L1CAM: variants seen among roughly 807,000 people sequenced by gnomAD.
L1CAM encodes the protein neural cell adhesion molecule L1.
Under a neutral mutation model 93.0 loss-of-function variants are expected in L1CAM, and 8 were observed. The ratio of observed to expected loss-of-function variants is 0.09; its 90% CI spans 0.05 to 0.16. The LOEUF (loss-of-function observed/expected upper bound fraction) is 0.16. L1CAM is among the 10% of genes least tolerant of loss of function. The probability of loss-of-function intolerance (pLI) is 1.00; values close to 1 mark genes in which losing one functional copy is unlikely to be tolerated. For synonymous variants in L1CAM, 453 were observed against 453.0 expected, an observed-to-expected ratio of 1.00 and a Z score of 0.00; for missense variants, 777 against 1,073.4, an observed-to-expected ratio of 0.72 and a Z score of 3.86.
chrX:153,869,792 G>A lies in L1CAM; in HGVS notation c.1123+11C>T, dbSNP rs1557092378. 2 of 1,210,514 alleles carry A rather than the reference G, an allele frequency of 1.7e-6. No individual in the cohort carries two copies. Among genetic ancestry groups the A allele is most frequent in the Non-Finnish European group, 2.2e-6 (2 of 894,933 alleles). On this transcript the variant is annotated intron_variant, in intron 10 of 28. Coordinates refer to ENST00000370060, the MANE Select transcript of L1CAM (RefSeq NM_001278116.2). ...GCCACACTCCCCACTCCTGCCTGAG[G>A]CCCTGCTCACCCTCCACAGGGATCC...
chrX:153,870,739 G>A, intron 7 of L1CAM, 51 bp downstream of exon 7: 1 of 1,145,025 alleles, frequency 8.7e-7, no homozygotes, highest in Middle Eastern at 2.4e-4. Context: ...GAAGGGCCAT[G>A]CCTGAGGGTG....
intron 2 of L1CAM, chrX:153,875,493 T>C (rs1369681938): frequency 3.0e-5 from 14 of 467,509 alleles, no homozygotes; most frequent in African/African-American, 9.4e-5. Flanking sequence ...CTCGGGGCCC[T>C]GCTCCAGGTT....
intron 1 of L1CAM, 69 bp from the exon 2 acceptor site, chrX:153,876,013 C>A: frequency 2.0e-6 from 1 of 491,259 alleles, no homozygotes; most frequent in East Asian, 3.6e-5. Context: ...ACGTTAGTGA[C>A]TAACATCTGG....
rs201372074 is a variant in L1CAM at position 153,867,531 on chromosome X, G to A, written c.1962C>T (p.Asp654=). The change falls in exon 17 of 29, where the codon GAC becomes GAT. Residue 654 remains aspartate, a synonymous_variant. Transcript: ENST00000370060. The part of the protein sequence containing the change: ...PIEKYDIEFE[D]KEMAPEKWYS... ...ACCATTTTTCAGGCGCCATTTCCTT[G>A]TCCTCAAATTCAATGTCATATTCTG... 24 of 1,209,223 alleles carry A rather than the reference G, an allele frequency of 2.0e-5. No homozygotes were observed. Among genetic ancestry groups the A allele is most frequent in the Non-Finnish European group, 2.7e-5 (24 of 894,136 alleles).
Position 153,868,423 on chromosome X carries a change from T to C in L1CAM, c.1582A>G (p.Ile528Val). Residue 528 changes from isoleucine (I) to valine (V), a missense_variant, in exon 14 of 29, where the codon ATC becomes GTC. Around this residue, in one of 5 missense-constraint regions of L1CAM, gnomAD observed 574 missense variants for 781.0 expected, o/e 0.73. Transcript: ENST00000370060. The part of the protein sequence containing the change: ...TQITQGPRST[I>V]EKKGSRVTFT... ...GTCACCCTGGAACCTTTCTTCTCGA[T>C]TGTGCTGCGGGGCCCCTGAGTGATC... The C allele has an allele frequency of 1.7e-6, 2 of 1,211,635 alleles. No individual in the cohort carries two copies. Among genetic ancestry groups the C allele is most frequent in the Non-Finnish European group, 2.2e-6 (2 of 895,452 alleles).
In L1CAM at chrX:153,868,922, T is replaced by C. The variant is rs1603275529; in HGVS notation, c.1298A>G (p.Asn433Ser). Residue 433 changes from asparagine (N) to serine (S), a missense_variant, in exon 12 of 29, where the codon AAT becomes AGT. By Grantham distance (46) the Asn-to-Ser change is conservative. Around this residue, in one of 5 missense-constraint regions of L1CAM, gnomAD observed 574 missense variants for 781.0 expected, o/e 0.73. Transcript: ENST00000370060. ...QLPAKILTADNQTYMAVQGST... is the reference protein window; with the variant it reads ...QLPAKILTADSQTYMAVQGST... ...GCCCTGGACAGCCATGTACGTCTGA[T>C]TGTCCGCAGTCAGGATCTTGGCTGG... is the stretch of plus-strand genomic sequence containing the variant. The C allele has an allele frequency of 1.7e-6, 2 of 1,211,206 alleles. No homozygotes were observed. The highest frequency in any genetic ancestry group is 2.2e-6 in the Non-Finnish European group (2 of 894,836).
At chrX:153,884,130 G>A (rs1557096403) in intron 1 of L1CAM, 2 of 787,271 alleles carry the variant, frequency 2.5e-6, no homozygotes, top group Non-Finnish European at 3.5e-6. Flanking sequence ...GAAAACAAGT[G>A]ACACCCCACG....
chrX:153,885,402 G>A lies in L1CAM; in HGVS notation c.-109+663C>T, dbSNP rs868926814. On this transcript the variant is annotated intron_variant, in intron 1 of 28. Coordinates refer to ENST00000370060, the MANE Select transcript of L1CAM (RefSeq NM_001278116.2). The stretch of plus-strand genomic sequence containing the variant: ...GGCTCCAGAGGCGCCCTACGCCTCC[G>A]GGGAGGAGCCCCTGGCTCTGCGGCA... 3.4e-5 allele frequency: 33 copies of A among 981,144 alleles called. No homozygotes were observed. In the African/African-American group the frequency reaches 6.6e-4, roughly 19 times the overall value. The allele number at this position is 981,144 out of a possible 1,213,427, so 80.9% of individuals were successfully genotyped here.
chrX:153,864,601 C>T lies in L1CAM; in HGVS notation c.3150G>A (p.Leu1050=). The T allele has an allele frequency of 8.3e-7, 1 of 1,204,711 alleles. No individual in the cohort carries two copies. The highest frequency in any genetic ancestry group is 1.1e-6 in the Non-Finnish European group (1 of 890,520). Residue 1050 remains leucine (L), a synonymous_variant, in exon 24 of 29, where the codon TTG becomes TTA. Transcript: ENST00000370060. ...EGQCNFRFHI[L]FKALGEEKGG... is the part of the protein sequence containing the mutation. ...CACGCTTACCTCCCAAGGCTTTGAACAAGATATGGAACCTGAAGTTGCACT... is the reference window on the plus strand; with the variant it reads ...CACGCTTACCTCCCAAGGCTTTGAATAAGATATGGAACCTGAAGTTGCACT...
At chrX:153,869,048 A>G (rs2064742985) in intron 11 of L1CAM, 96 bp from the exon 12 acceptor site, 1 of 691,027 alleles carries the variant, frequency 1.4e-6, no homozygotes, top group Non-Finnish European at 2.3e-6. Context: ...CGGGCCCCCA[A>G]GAGCCCTGCA....
chrX:153,870,612 A>T (rs782226850), intron 7 of L1CAM, 113 bp from the exon 8 acceptor site: 5 of 786,493 alleles, frequency 6.4e-6, no homozygotes, highest in Non-Finnish European at 9.5e-6. Flanking sequence ...GTCTTCCTCC[A>T]TTAAGGAGAG....
intron 2 of L1CAM, among the ~76,000 whole-genome samples, chrX:153,873,652 C>G (rs781952351): frequency 8.9e-6 from 1 of 112,644 alleles, no homozygotes; most frequent in East Asian, 2.8e-4. Flanking sequence ...TGGAAGGCAC[C>G]GTCCCCTGCT....
Position 153,867,805 on chromosome X carries a change from A to G in L1CAM, c.1934T>C (p.Ile645Thr). ...WSPAEDHNAP[I>T]EKYDIEFEDK... ...ACTGAGCTCAAGCCTCTTACTCTCA[A>G]TGGGGGCATTGTGGTCTTCTGCAGG... The change falls in exon 16 of 29, where the codon ATT becomes ACT. Residue 645 changes from isoleucine (I) to threonine (T), a missense_variant. Coordinates refer to ENST00000370060, the MANE Select transcript of L1CAM (RefSeq NM_001278116.2). 1 of 1,204,709 alleles carries G rather than the reference A, an allele frequency of 8.3e-7. No individual in the cohort carries two copies. The highest frequency in any genetic ancestry group is 1.1e-6 in the Non-Finnish European group (1 of 890,102).
chrX:153,875,929 G>A lies in L1CAM; in HGVS notation c.-93C>T. The A allele has an allele frequency of 1.4e-6, 1 of 715,997 alleles. No homozygotes were observed. The highest frequency in any genetic ancestry group is 2.1e-6 in the Non-Finnish European group (1 of 466,891). 59.0% of individuals were successfully genotyped at this position (715,997 alleles called of 1,213,427 possible). On this transcript the variant is annotated 5_prime_UTR_variant, in exon 2 of 29. Transcript: ENST00000370060. ...GGCTGGTGGGCGGCTTGGGGCGGGA[G>A]TTGGGAGTGGGGGCACTGGGAGAGG... is the stretch of plus-strand genomic sequence containing the variant.
chrX:153,883,225 G>A (rs1454490761), intron 1 of L1CAM, among the ~76,000 whole-genome samples: 1 of 111,416 alleles, frequency 9.0e-6, no homozygotes, highest in Non-Finnish European at 1.9e-5. Flanking sequence ...AGCGGTGGAA[G>A]ACAGACAAAA....
rs202000092 is a variant in L1CAM, at chrX:153,870,853, C to T, written c.631G>A (p.Ala211Thr). Residue 211 changes from alanine to threonine, a missense_variant, in exon 7 of 29, where the codon GCC becomes ACC. Around this residue, in one of 5 missense-constraint regions of L1CAM, gnomAD observed 574 missense variants for 781.0 expected, o/e 0.73. Coordinates refer to ENST00000370060, the MANE Select transcript of L1CAM (RefSeq NM_001278116.2). ...ATGGTCCTGGTGCCTGGGAAGTGGG[C>T]GTGGCAGATGTAGTCTGAGTGGTTG... ...SDNHSDYICH[A>T]HFPGTRTIIQ... 1 of 1,210,830 alleles carries T rather than the reference C, an allele frequency of 8.3e-7. No individual in the cohort carries two copies. Among genetic ancestry groups the T allele is most frequent in the Non-Finnish European group, 1.1e-6 (1 of 894,899 alleles).
chrX:153,884,838 C>G (rs2064868979), intron 1 of L1CAM, among the ~76,000 whole-genome samples: 1 of 113,033 alleles, frequency 8.8e-6, no homozygotes, highest in African/African-American at 3.2e-5. Flanking sequence ...TGGGCAGCAG[C>G]CCCCAGGGGA....
Position 153,871,188 on chromosome X carries a change from G to A in L1CAM, c.401-9C>T. 1.7e-6 allele frequency: 2 copies of A among 1,150,600 alleles called. No homozygotes were observed. The highest frequency in any genetic ancestry group is 2.3e-6 in the Non-Finnish European group (2 of 858,999). The allele number at this position is 1,150,600 out of a possible 1,213,427, so 94.8% of individuals were successfully genotyped here. The stretch of plus-strand genomic sequence containing the variant: ...TGGCCACTTGGGGGCACCTAGAAGG[G>A]ACAGACGGGCTGACACTCTCCTCCT... On this transcript the variant is annotated splice_polypyrimidine_tract_variant and intron_variant, in intron 5 of 28. Transcript: ENST00000370060.
intron 1 of L1CAM, chrX:153,876,303 T>C (rs782421650): frequency 1.1e-5 from 3 of 263,244 alleles, no homozygotes; most frequent in Non-Finnish European, 2.0e-5. Flanking sequence ...TCCGTGGGCA[T>C]GTGTGTGGTT....
Sources: gnomAD v4.1 joint callset for allele counts (sites outside exome capture counted in the v4.1 genomes callset) on GRCh38, gnomAD v4.1.1 for gene constraint, gnomAD v4.1.1 regional missense constraint, MANE v1.5 for transcripts, NCBI Gene and HGNC (gene_info 2026-07-23, HGNC 2026-07-21) for gene names.